The following OSBPL6 variants were observed in gnomAD, a reference collection of about 807,000 sequenced individuals.
OSBPL6 encodes oxysterol-binding protein-related protein 6.
OSBPL6 carries 49 observed loss-of-function variants against 125.8 expected under a neutral mutation model. The ratio of observed to expected loss-of-function variants is 0.39; its 90% CI spans 0.31 to 0.49. The LOEUF (loss-of-function observed/expected upper bound fraction) is 0.49. OSBPL6 is among the 20% of genes least tolerant of loss of function. The pLI, the probability that OSBPL6 is intolerant of heterozygous loss-of-function variation, is 0.88. For synonymous variants in OSBPL6, 394 were observed against 391.8 expected, an observed-to-expected ratio of 1.01 and a Z score of -0.07; for missense variants, 986 against 1,135.4, an observed-to-expected ratio of 0.87 and a Z score of 1.89.
At chr2:178,315,285 G>A (rs765619111) in intron 3 of OSBPL6, among the ~76,000 whole-genome samples, 1 of 152,146 alleles carries the variant, frequency 6.6e-6, no homozygotes, top group Non-Finnish European at 1.5e-5. Flanking sequence ...CTGTTGCATG[G>A]TGTTTACGGT....
chr2:178,363,781 G>A (rs2154099742), intron 13 of OSBPL6, among the ~76,000 whole-genome samples: 1 of 152,192 alleles, frequency 6.6e-6, no homozygotes, highest in East Asian at 1.9e-4. Context: ...ATAGATTTTT[G>A]TTGGATTTTT....
chr2:178,291,803 A>ATCCATCCATCCG (rs1193063965), intron 2 of OSBPL6, among the ~76,000 whole-genome samples: 1 of 142,780 alleles, frequency 7.0e-6, no homozygotes, highest in Non-Finnish European at 1.5e-5. Context: ...CCATCCATCC[A>ATCCATCCATCCG]TCCATCCATC....
intron 1 of OSBPL6, among the ~76,000 whole-genome samples, chr2:178,267,584 AGG>A (rs1345768383): frequency 2.0e-5 from 3 of 152,072 alleles, no homozygotes; most frequent in Non-Finnish European, 4.4e-5. Flanking sequence ...AGGTTTCATC[AGG>A]GGCAGAGAAA....
In OSBPL6 at chr2:178,194,627, A is replaced by C. The variant is rs2088743459; in HGVS notation, c.-398A>C. On this transcript the variant is annotated 5_prime_UTR_variant, in exon 1 of 25. Coordinates refer to ENST00000190611, the MANE Select transcript of OSBPL6 (RefSeq NM_032523.4). ...CTCTCCGCCTCCTGCCTCCCGTCGC[A>C]GCCGCGCAGCCGCCGCAGAGTCCGC... The C allele has an allele frequency of 6.5e-6, 1 of 153,264 alleles. No individual in the cohort carries two copies. The highest frequency in any genetic ancestry group is 2.1e-4 in the South Asian group (1 of 4,850). The allele number at this position is 153,264 out of a possible 1,614,324, so 9.5% of individuals were successfully genotyped here.
At chr2:178,281,614 G>A (rs1158324679) in intron 1 of OSBPL6, among the ~76,000 whole-genome samples, 3 of 152,080 alleles carry the variant, frequency 2.0e-5, no homozygotes, top group Admixed American at 6.6e-5. Flanking sequence ...CTGTCCCATT[G>A]GTCTATGTGT....
intron 2 of OSBPL6, among the ~76,000 whole-genome samples, chr2:178,288,973 A>T (rs1684976536): frequency 6.9e-6 from 1 of 145,556 alleles, no homozygotes. Context: ...CTTTATTAAG[A>T]CTTTTTTCTT....
chr2:178,385,617 C>T, intron 19 of OSBPL6, 96 bp downstream of exon 19: 1 of 928,698 alleles, frequency 1.1e-6, no homozygotes. Flanking sequence ...AGATTTCTAC[C>T]TTTGGAACTC....
At chr2:178,207,047 T>C (rs2089574474) in intron 1 of OSBPL6, among the ~76,000 whole-genome samples, 1 of 152,114 alleles carries the variant, frequency 6.6e-6, no homozygotes, top group African/African-American at 2.4e-5. Flanking sequence ...GGGGTTTTTG[T>C]TTGTTTGTTT....
Position 178,332,733 on chromosome 2 carries a change from A to G in OSBPL6, c.465A>G (p.Glu155=), listed in dbSNP as rs1689321036. 2 of 1,614,134 alleles carry G rather than the reference A, an allele frequency of 1.2e-6. No individual in the cohort carries two copies. The highest frequency in any genetic ancestry group is 4.5e-5 in the East Asian group (2 of 44,872). ...KKARRIDLDT[E]EHIYHLKVKS... is the part of the protein sequence containing the mutation. Reference sequence around the variant, plus strand: ...CTCGAAGAATAGACCTTGACACCGAAGAGCACATCTATCATTTGAAGGTGA... The same window carrying G: ...CTCGAAGAATAGACCTTGACACCGAGGAGCACATCTATCATTTGAAGGTGA... The change falls in exon 7 of 25, where the codon GAA becomes GAG. Residue 155 remains glutamate, a synonymous_variant. Coordinates refer to ENST00000190611, the MANE Select transcript of OSBPL6 (RefSeq NM_032523.4).
chr2:178,304,018 G>A (rs1686530118), intron 2 of OSBPL6, among the ~76,000 whole-genome samples: 1 of 152,102 alleles, frequency 6.6e-6, no homozygotes, highest in South Asian at 2.1e-4. Flanking sequence ...TTCTATAACA[G>A]AATACCCAAG....
chr2:178,275,738 A>G (rs1183714263), intron 1 of OSBPL6, among the ~76,000 whole-genome samples: 7 of 17,502 alleles, frequency 4.0e-4, no homozygotes, highest in Non-Finnish European at 1.6e-3. Context: ...AAAAAGAGGG[A>G]AAAAAAAAAA....
chr2:178,309,975 G>A (rs908516630), intron 3 of OSBPL6, among the ~76,000 whole-genome samples: 23 of 152,166 alleles, frequency 1.5e-4, no homozygotes, highest in Non-Finnish European at 2.4e-4. Context: ...TTTGCAATGT[G>A]CATTACAAAA....
At chr2:178,308,315 A>G (rs142308713) in intron 3 of OSBPL6, among the ~76,000 whole-genome samples, 1 of 152,280 alleles carries the variant, frequency 6.6e-6, no homozygotes, top group Non-Finnish European at 1.5e-5. Flanking sequence ...TGATCATGTG[A>G]TGTGATGTAG....
chr2:178,274,383 G>A (rs531208847), intron 1 of OSBPL6, among the ~76,000 whole-genome samples: 2 of 151,312 alleles, frequency 1.3e-5, no homozygotes, highest in Admixed American at 1.3e-4. Flanking sequence ...TATGATAATA[G>A]CAAGCACTTA....
At chr2:178,326,327 T>A (rs1039928499) in intron 4 of OSBPL6, among the ~76,000 whole-genome samples, 1 of 152,280 alleles carries the variant, frequency 6.6e-6, no homozygotes, top group Non-Finnish European at 1.5e-5. Flanking sequence ...GACATTACTG[T>A]CTGTTCTTAT....
chr2:178,300,881 A>G (rs1420795338), intron 2 of OSBPL6, among the ~76,000 whole-genome samples: 3 of 152,180 alleles, frequency 2.0e-5, no homozygotes, highest in Non-Finnish European at 4.4e-5. Context: ...CAAATATAAA[A>G]GGCTATTAAA....
In OSBPL6 at chr2:178,228,372, A is replaced by G. The variant is rs545101335; in HGVS notation, c.-351+33698A>G. Among the ~76,000 whole-genome samples the G allele has an allele frequency of 7.3e-3, 1,110 of 151,060 alleles. 7 individuals carry two copies. The highest frequency in any genetic ancestry group is 0.011 in the Non-Finnish European group (765 of 68,014). On this transcript the variant is annotated intron_variant, in intron 1 of 24. Transcript: ENST00000190611. ...AACATGGTGAAACACCATCTCTACT[A>G]AAAATACAAAAAATGAGCCGGGTGT...
chr2:178,345,327 A>G (rs145163588), intron 11 of OSBPL6, among the ~76,000 whole-genome samples: 2,142 of 152,334 alleles, frequency 0.014, 66 homozygotes, highest in African/African-American at 0.048. Flanking sequence ...TTTTGGCTGC[A>G]TTGCAGGAGA....
chr2:178,365,247 G>A (rs1268700760), intron 13 of OSBPL6, among the ~76,000 whole-genome samples: 3 of 152,082 alleles, frequency 2.0e-5, no homozygotes, highest in African/African-American at 4.8e-5. Context: ...TTTGACATAA[G>A]TCCTATTTGA....
Sources: allele counts gnomAD v4.1 joint callset (sites outside exome capture counted in the v4.1 genomes callset), GRCh38; gene constraint gnomAD v4.1.1; transcripts MANE v1.5; gene names NCBI Gene and HGNC (gene_info 2026-07-23, HGNC 2026-07-21).